The following STXBP5L variants were observed in gnomAD, a reference collection of about 807,000 sequenced individuals.
The protein encoded by STXBP5L is syntaxin-binding protein 5-like.
A neutral mutation model predicts 144.5 loss-of-function variants in STXBP5L; 65 were observed. The observed-to-expected ratio is 0.45, with a 90% CI of 0.37 to 0.55. STXBP5L has a LOEUF of 0.55. Among genes scored for constraint, STXBP5L ranks in the 20% least tolerant of loss-of-function variants. The pLI is 0.00. For synonymous variants in STXBP5L, 505 were observed against 469.6 expected (o/e 1.08, Z -0.97); for missense variants, 1,298 against 1,405.5 (o/e 0.92, Z 1.22).
chr3:121,101,286 T>C (rs779580548), intron 5 of STXBP5L, among the ~76,000 whole-genome samples: 2 of 151,542 alleles, frequency 1.3e-5, no homozygotes, highest in Non-Finnish European at 3.0e-5. Context: ...AAAGACACAA[T>C]GAAAAAAGGA....
At chr3:121,154,280 T>A (rs1315870640) in intron 8 of STXBP5L, among the ~76,000 whole-genome samples, 3 of 151,838 alleles carry the variant, frequency 2.0e-5, no homozygotes, top group Non-Finnish European at 4.4e-5. Context: ...AAATACTTCA[T>A]TTCACTACCA....
intron 5 of STXBP5L, among the ~76,000 whole-genome samples, chr3:121,052,627 A>C (rs1333204942): frequency 6.6e-6 from 1 of 152,194 alleles, no homozygotes; most frequent in African/African-American, 2.4e-5. Flanking sequence ...TGACAAACCC[A>C]CAGTCAATAT....
intron 3 of STXBP5L, among the ~76,000 whole-genome samples, chr3:121,012,136 A>G (rs1241952331): frequency 6.6e-6 from 1 of 151,692 alleles, no homozygotes; most frequent in Non-Finnish European, 1.5e-5. Context: ...GCATGTATCA[A>G]TACTTGATTT....
At chr3:121,184,846 A>T (rs1024675468) in intron 9 of STXBP5L, among the ~76,000 whole-genome samples, 1 of 152,254 alleles carries the variant, frequency 6.6e-6, no homozygotes, top group Non-Finnish European at 1.5e-5. Context: ...AGGAAAGCCT[A>T]TCGGACTAAC....
chr3:120,934,106 A>C (rs1710123463), intron 2 of STXBP5L, among the ~76,000 whole-genome samples: 1 of 94,044 alleles, frequency 1.1e-5, no homozygotes, highest in African/African-American at 4.1e-5. Context: ...TTTTTTTTTC[A>C]TTTCTCTTTG....
At chr3:121,235,582 C>CT (rs1266278359) in intron 12 of STXBP5L, among the ~76,000 whole-genome samples, 1 of 151,996 alleles carries the variant, frequency 6.6e-6, no homozygotes, top group Admixed American at 6.6e-5. Flanking sequence ...TAGGCCTGGT[C>CT]TTCAAGGGGT....
intron 3 of STXBP5L, among the ~76,000 whole-genome samples, chr3:121,002,313 C>T (rs757732394): frequency 4.6e-5 from 7 of 152,114 alleles, no homozygotes; most frequent in Non-Finnish European, 8.8e-5. Flanking sequence ...TAATGTTGAG[C>T]GCATTTTCAT....
intron 5 of STXBP5L, among the ~76,000 whole-genome samples, chr3:121,092,592 G>A (rs2042873121): frequency 6.6e-6 from 1 of 152,140 alleles, no homozygotes; most frequent in Non-Finnish European, 1.5e-5. Flanking sequence ...TGGTGTATAA[G>A]AATGCTTGTG....
chr3:121,157,699 A>AT, intron 9 of STXBP5L, 72 bp downstream of exon 9: 2 of 1,529,564 alleles, frequency 1.3e-6, no homozygotes, highest in Non-Finnish European at 1.7e-6. Flanking sequence ...GAGAGATGGT[A>AT]TTAATGCGTT....
At chr3:121,193,853 TAGG>T (rs550508091) in intron 9 of STXBP5L, among the ~76,000 whole-genome samples, 82 of 152,140 alleles carry the variant, frequency 5.4e-4, no homozygotes, top group African/African-American at 1.9e-3. Context: ...GGGATAGCAT[TAGG>T]AGAATACCTA....
At chr3:121,021,678 A>G (rs1945564120) in intron 3 of STXBP5L, among the ~76,000 whole-genome samples, 1 of 152,212 alleles carries the variant, frequency 6.6e-6, no homozygotes, top group Non-Finnish European at 1.5e-5. Context: ...TGGGTCAACA[A>G]TGAAATCAAG....
intron 3 of STXBP5L, among the ~76,000 whole-genome samples, chr3:120,970,028 T>C (rs1940056186): frequency 6.6e-6 from 1 of 152,094 alleles, no homozygotes; most frequent in South Asian, 2.1e-4. Flanking sequence ...ATGACTTAAC[T>C]TTTATTGCAT....
intron 23 of STXBP5L, among the ~76,000 whole-genome samples, chr3:121,409,305 T>C (rs2047065035): frequency 6.6e-6 from 1 of 151,864 alleles, no homozygotes. Context: ...AGGACCAGAA[T>C]TGTATAACTT....
At chr3:121,111,708 G>C (rs2043995162) in intron 5 of STXBP5L, among the ~76,000 whole-genome samples, 1 of 152,178 alleles carries the variant, frequency 6.6e-6, no homozygotes, top group Non-Finnish European at 1.5e-5. Context: ...AAGAGGCATG[G>C]GATCAGGAAT....
intron 9 of STXBP5L, among the ~76,000 whole-genome samples, chr3:121,172,426 AATCT>A (rs2046759789): frequency 6.6e-6 from 1 of 152,200 alleles, no homozygotes; most frequent in African/African-American, 2.4e-5. Context: ...AAATTTTTGC[AATCT>A]ATCCATCTGA....
chr3:121,152,888 C>G (rs922985514), intron 8 of STXBP5L, among the ~76,000 whole-genome samples: 1 of 152,042 alleles, frequency 6.6e-6, no homozygotes, highest in African/African-American at 2.4e-5. Flanking sequence ...ACTGCTTTTC[C>G]TTTCTGTAGG....
At chr3:121,334,235 G>T (rs760226467) in intron 20 of STXBP5L, among the ~76,000 whole-genome samples, 10 of 152,024 alleles carry the variant, frequency 6.6e-5, no homozygotes, top group Non-Finnish European at 1.5e-4. Context: ...GTCTTTATCA[G>T]CAATGTGAAA....
At chr3:121,304,224 A>G (rs896679078) in intron 19 of STXBP5L, among the ~76,000 whole-genome samples, 1 of 152,206 alleles carries the variant, frequency 6.6e-6, no homozygotes, top group Non-Finnish European at 1.5e-5. Context: ...AATAAGAACT[A>G]TTCAAAATAT....
intron 5 of STXBP5L, among the ~76,000 whole-genome samples, chr3:121,053,467 A>G (rs1948191677): frequency 6.6e-6 from 1 of 152,212 alleles, no homozygotes; most frequent in South Asian, 2.1e-4. Context: ...TCTTTGCCAA[A>G]CCTGACAAAA....
Sources: gnomAD v4.1 joint callset for allele counts (sites outside exome capture counted in the v4.1 genomes callset) on GRCh38, gnomAD v4.1.1 for gene constraint, MANE v1.5 for transcripts, NCBI Gene and HGNC (gene_info 2026-07-23, HGNC 2026-07-21) for gene names.